Variants in NIPBL observed in about 807,000 individuals in gnomAD.
NIPBL encodes the protein NIPBL cohesin loading factor, also known as nipped-B-like protein.
NIPBL carries 19 observed loss-of-function variants against 321.8 expected under a neutral mutation model. The ratio of observed to expected loss-of-function variants is 0.06; its 90% CI spans 0.04 to 0.09. The LOEUF (loss-of-function observed/expected upper bound fraction) is 0.09. NIPBL is among the 10% of genes least tolerant of loss of function. The pLI is 1.00. For synonymous variants in NIPBL, 1,106 were observed against 1,114.1 expected (o/e 0.99, Z 0.14); for missense variants, 2,210 against 3,327.0 (o/e 0.66, Z 8.26).
At chr5:37,051,413 T>C in intron 40 of NIPBL, 1 of 224,140 alleles carries the variant, frequency 4.5e-6, no homozygotes, top group East Asian at 1.2e-4. Context: ...TTGCCCTATA[T>C]TATCTTTACA....
intron 1 of NIPBL, among the ~76,000 whole-genome samples, chr5:36,907,792 A>G (rs774241207): frequency 8.7e-4 from 133 of 152,314 alleles, no homozygotes; most frequent in Non-Finnish European, 1.6e-3. Flanking sequence ...CTGAAAGTTA[A>G]TAATAACTAA....
intron 39 of NIPBL, 66 bp downstream of exon 39, chr5:37,048,741 A>C (rs1472379166): frequency 8.2e-7 from 1 of 1,219,024 alleles, no homozygotes; most frequent in Non-Finnish European, 1.2e-6. Context: ...ATCTTCTTTA[A>C]TCTAAATATC....
intron 45 of NIPBL, 103 bp from the exon 46 acceptor site, chr5:37,063,687 G>C: frequency 8.6e-7 from 1 of 1,161,492 alleles, no homozygotes. Flanking sequence ...GCTAACGTCT[G>C]TTTCACCCAC....
rs566655641 is a variant in NIPBL, at chr5:36,906,167, G to A, written c.-80+28989G>A. On this transcript the variant is annotated intron_variant, in intron 1 of 46. Coordinates refer to ENST00000282516, the MANE Select transcript of NIPBL (RefSeq NM_133433.4). Reference sequence around the variant, plus strand: ...ATAAATCAGTGGATGAGAACAACCCGAAAATAAAACCCTACCATTTCTGCG... The same window carrying A: ...ATAAATCAGTGGATGAGAACAACCCAAAAATAAAACCCTACCATTTCTGCG... Among the ~76,000 whole-genome samples the A allele has an allele frequency of 7.9e-5, 12 of 152,122 alleles. No homozygotes were observed. In the South Asian group the frequency reaches 1.9e-3, roughly 24 times the overall value.
At chr5:37,007,817 G>A (rs1385032369) in intron 18 of NIPBL, among the ~76,000 whole-genome samples, 191 bp from the exon 19 acceptor site, 1 of 151,984 alleles carries the variant, frequency 6.6e-6, no homozygotes, top group Non-Finnish European at 1.5e-5. Context: ...CAATGTACCT[G>A]TTGTATATGC....
chr5:36,997,220 A>G (rs1467970137), intron 11 of NIPBL, among the ~76,000 whole-genome samples: 1 of 152,124 alleles, frequency 6.6e-6, no homozygotes, highest in Non-Finnish European at 1.5e-5. Flanking sequence ...CTTTCCCTCT[A>G]ATAAACATAT....
intron 4 of NIPBL, 73 bp from the exon 5 acceptor site, chr5:36,961,411 C>G: frequency 1.1e-6 from 1 of 913,710 alleles, no homozygotes; most frequent in South Asian, 1.3e-5. Flanking sequence ...GAAAGAATAA[C>G]TGATTTCAGT....
chr5:36,961,613 A>T (rs1164771064), intron 5 of NIPBL, 30 bp downstream of exon 5: 1 of 1,249,490 alleles, frequency 8.0e-7, no homozygotes, highest in Non-Finnish European at 1.2e-6. Context: ...TTTATTAAAT[A>T]TTGTCTTGTA....
chr5:36,942,364 G>A (rs926744575), intron 1 of NIPBL, among the ~76,000 whole-genome samples: 3 of 148,762 alleles, frequency 2.0e-5, no homozygotes, highest in East Asian at 2.0e-4. Flanking sequence ...CCCAGGAGTC[G>A]GAGGTTGCAG....
At chr5:37,049,494 T>C (rs1753302598) in intron 40 of NIPBL, among the ~76,000 whole-genome samples, 193 bp downstream of exon 40, 1 of 152,212 alleles carries the variant, frequency 6.6e-6, no homozygotes, top group Non-Finnish European at 1.5e-5. Context: ...TTCATAATAT[T>C]GTCTCTGTTA....
intron 1 of NIPBL, among the ~76,000 whole-genome samples, chr5:36,903,096 C>G (rs938881697): frequency 2.0e-5 from 3 of 152,126 alleles, no homozygotes; most frequent in African/African-American, 7.2e-5. Context: ...AGAAATGCTA[C>G]TGATTTTTGC....
At position 37,065,059 on chromosome 5, in the gene NIPBL, C is replaced by T; in HGVS notation, c.*167C>T. 2.7e-6 allele frequency: 2 copies of T among 737,788 alleles called. No individual in the cohort carries two copies. The highest frequency in any genetic ancestry group is 3.5e-5 in the South Asian group (2 of 57,026). The allele number at this position is 737,788 out of a possible 1,614,324, so 45.7% of individuals were successfully genotyped here. A position where few individuals can be genotyped will look rare whatever the true frequency, so the allele number is the denominator to read the frequency against. On this transcript the variant is annotated 3_prime_UTR_variant, in exon 47 of 47. Transcript: ENST00000282516. ...GGGCAAACATTTTTGTGGGAGCTCC[C>T]TTCGCTGTTGTGCAGCAGAAACAGA...
chr5:36,999,429 A>G (rs1297125633), intron 11 of NIPBL, among the ~76,000 whole-genome samples: 1 of 152,208 alleles, frequency 6.6e-6, no homozygotes, highest in African/African-American at 2.4e-5. Context: ...ACTGCATCCT[A>G]GAACAGACAT....
intron 21 of NIPBL, among the ~76,000 whole-genome samples, chr5:37,012,619 CCGCAGTGT>C (rs1748297564): frequency 6.6e-6 from 1 of 152,166 alleles, no homozygotes; most frequent in Non-Finnish European, 1.5e-5. Context: ...TTCCGGCCTT[CCGCAGTGT>C]TTGTGTCCCT....
At chr5:37,040,636 C>G (rs1752232182) in intron 34 of NIPBL, among the ~76,000 whole-genome samples, 1 of 152,086 alleles carries the variant, frequency 6.6e-6, no homozygotes, top group Admixed American at 6.5e-5. Context: ...TTTGGATCAC[C>G]ACTACAAACA....
At chr5:37,037,157 G>A (rs1197319674) in intron 33 of NIPBL, among the ~76,000 whole-genome samples, 61 of 151,580 alleles carry the variant, frequency 4.0e-4, no homozygotes, top group Non-Finnish European at 1.2e-4. Flanking sequence ...GGAGGCCAAG[G>A]CGGGCAGATC....
At chr5:37,045,020 T>G (rs1328571924) in intron 36 of NIPBL, among the ~76,000 whole-genome samples, 1 of 152,218 alleles carries the variant, frequency 6.6e-6, no homozygotes, top group Non-Finnish European at 1.5e-5. Context: ...AAGAGCACTC[T>G]CATAATTCTA....
intron 38 of NIPBL, among the ~76,000 whole-genome samples, chr5:37,047,563 T>C (rs1753108549): frequency 2.0e-5 from 3 of 152,200 alleles, no homozygotes; most frequent in South Asian, 2.1e-4. Flanking sequence ...CCTTCAGATA[T>C]TCAGTCTGGA....
At chr5:36,987,100 G>T (rs294694) in intron 10 of NIPBL, among the ~76,000 whole-genome samples, 1 of 151,894 alleles carries the variant, frequency 6.6e-6, no homozygotes, top group Non-Finnish European at 1.5e-5. Flanking sequence ...GGCTGGTTTC[G>T]AACTCCTGGC....
Sources: allele counts gnomAD v4.1 joint callset (sites outside exome capture counted in the v4.1 genomes callset), GRCh38; gene constraint gnomAD v4.1.1; transcripts MANE v1.5; gene names NCBI Gene and HGNC (gene_info 2026-07-23, HGNC 2026-07-21).